The following CDK19 variants were observed in gnomAD, a reference collection of about 807,000 sequenced individuals.
CDK19 encodes the protein cyclin dependent kinase 19.
A neutral mutation model predicts 68.3 loss-of-function variants in CDK19; 20 were observed. The observed-to-expected ratio is 0.29, with a 90% CI of 0.21 to 0.43. The LOEUF is 0.43. CDK19 is among the 20% of genes least tolerant of loss of function. The pLI is 1.00. For synonymous variants in CDK19, 221 were observed against 222.8 expected, an observed-to-expected ratio of 0.99 and a Z score of 0.07; for missense variants, 339 against 623.5, an observed-to-expected ratio of 0.54 and a Z score of 4.86.
intron 2 of CDK19, among the ~76,000 whole-genome samples, chr6:110,677,561 A>T (rs1368114160): frequency 2.1e-5 from 3 of 144,084 alleles, no homozygotes; most frequent in Non-Finnish European, 3.0e-5. Flanking sequence ...GAGAGACCCC[A>T]TCTCAACATA....
chr6:110,720,820 T>C (rs2114740562), intron 2 of CDK19, among the ~76,000 whole-genome samples: 1 of 139,534 alleles, frequency 7.2e-6, no homozygotes, highest in Non-Finnish European at 1.5e-5. Context: ...TGAGCTGAGA[T>C]CACACGACTG....
upstream of CDK19, chr6:110,815,843 G>C (rs1385646993): frequency 1.3e-5 from 2 of 152,434 alleles, no homozygotes; most frequent in Non-Finnish European, 2.9e-5. Flanking sequence ...CTCGGGAGGC[G>C]AGGGCTGGTG....
At chr6:110,781,160 T>A (rs1471666120) in intron 1 of CDK19, among the ~76,000 whole-genome samples, 2 of 152,206 alleles carry the variant, frequency 1.3e-5, no homozygotes, top group African/African-American at 2.4e-5. Context: ...TGGCTCATGG[T>A]TCTGCAGGCC....
chr6:110,728,523 T>C (rs904328776), intron 2 of CDK19, among the ~76,000 whole-genome samples: 1 of 151,712 alleles, frequency 6.6e-6, no homozygotes, highest in Non-Finnish European at 1.5e-5. Context: ...TCTCCCTACA[T>C]CTTCTCCTCT....
chr6:110,719,969 TCCGCCCCCCCCCCC>T, intron 2 of CDK19, among the ~76,000 whole-genome samples: 1 of 22,120 alleles, frequency 4.5e-5, no homozygotes, highest in African/African-American at 2.0e-4. Flanking sequence ...GACCTTGTGA[TCCGCCCCCCCCCCC>T]CCACCCCCCC....
rs1173932623 is a variant in CDK19 at position 110,815,258 on chromosome 6, C to T, written c.-122G>A. On this transcript the variant is annotated 5_prime_UTR_variant, in exon 1 of 13. Coordinates refer to ENST00000368911, the MANE Select transcript of CDK19 (RefSeq NM_015076.5). ...GCCGCCTCTCGCGCGCGCGCGCGCG[C>T]CGCCCGCCGCCCGCCGCTCCGCGGT... The T allele has an allele frequency of 1.7e-5, 18 of 1,037,774 alleles. No homozygotes were observed. Among genetic ancestry groups the T allele is most frequent in the Non-Finnish European group, 2.1e-5 (17 of 790,946 alleles). 64.3% of individuals were successfully genotyped at this position (1,037,774 alleles called of 1,614,324 possible). A position where few individuals can be genotyped will look rare whatever the true frequency, so the allele number is the denominator to read the frequency against.
chr6:110,718,249 C>A (rs987149009), intron 2 of CDK19, among the ~76,000 whole-genome samples: 3 of 152,048 alleles, frequency 2.0e-5, no homozygotes, highest in African/African-American at 7.2e-5. Context: ...TGTATAAAGC[C>A]CAGGAGGATT....
At chr6:110,704,013 A>G (rs1388373519) in intron 2 of CDK19, among the ~76,000 whole-genome samples, 1 of 152,222 alleles carries the variant, frequency 6.6e-6, no homozygotes, top group East Asian at 1.9e-4. Context: ...CTATCTGAAA[A>G]TTCCAGAATA....
rs552056076 is a variant in CDK19 at position 110,735,493 on chromosome 6, G to C, written c.204+10633C>G. ...AGTGAATATATCAGATACAAACTCT[G>C]AGCTAAATTTCATGAAGTCATAGTG... On this transcript the variant is annotated intron_variant, in intron 2 of 12. Transcript: ENST00000368911. Among the ~76,000 whole-genome samples, 5 of 152,178 alleles carry C rather than the reference G, an allele frequency of 3.3e-5. No individual in the cohort carries two copies. The East Asian group carries it at 9.7e-4, about 29-fold the overall frequency.
intron 2 of CDK19, among the ~76,000 whole-genome samples, chr6:110,717,891 G>A (rs956174476): frequency 5.9e-5 from 9 of 152,148 alleles, no homozygotes; most frequent in Non-Finnish European, 1.2e-4. Flanking sequence ...AGTAGAGATG[G>A]GGTTTCTCCA....
chr6:110,758,256 C>T (rs1778965623), intron 1 of CDK19, among the ~76,000 whole-genome samples: 1 of 152,020 alleles, frequency 6.6e-6, no homozygotes, highest in African/African-American at 2.4e-5. Context: ...AAGGGGTGTA[C>T]AGAAGCAAAG....
At chr6:110,755,543 C>T (rs1778778947) in intron 1 of CDK19, among the ~76,000 whole-genome samples, 1 of 152,054 alleles carries the variant, frequency 6.6e-6, no homozygotes, top group Non-Finnish European at 1.5e-5. Flanking sequence ...CAGGATTTCA[C>T]TGAGCAAAGG....
Position 110,815,292 on chromosome 6 carries a change from A to G in CDK19, c.-156T>C. 1 of 771,210 alleles carries G rather than the reference A, an allele frequency of 1.3e-6. No homozygotes were observed. The highest frequency in any genetic ancestry group is 1.8e-6 in the Non-Finnish European group (1 of 550,136). 47.8% of individuals were successfully genotyped at this position (771,210 alleles called of 1,614,324 possible). ...GCCCGCCGCTCCGCGGTCCGCCTTC[A>G]GCAAGGGACTCCTCGGCGGCCACAG... On this transcript the variant is annotated 5_prime_UTR_variant, in exon 1 of 13. It removes the in-frame stop codon of an upstream open reading frame in the 5' UTR. Coordinates refer to ENST00000368911, the MANE Select transcript of CDK19 (RefSeq NM_015076.5).
intron 1 of CDK19, among the ~76,000 whole-genome samples, chr6:110,767,345 C>T (rs1031195102): frequency 1.3e-5 from 2 of 150,102 alleles, no homozygotes; most frequent in Admixed American, 1.3e-4. Flanking sequence ...TGGCCAGGTG[C>T]AGTGGCTCAA....
chr6:110,639,029 T>G (rs1779959653), intron 4 of CDK19, among the ~76,000 whole-genome samples: 1 of 152,232 alleles, frequency 6.6e-6, no homozygotes, highest in South Asian at 2.1e-4. Flanking sequence ...GCACAGTTTA[T>G]GTGCTTGAAA....
chr6:110,688,195 G>A (rs1170850103), intron 2 of CDK19, among the ~76,000 whole-genome samples: 1 of 152,016 alleles, frequency 6.6e-6, no homozygotes, highest in Non-Finnish European at 1.5e-5. Flanking sequence ...AGACCAGCCT[G>A]GCTAACATGG....
At chr6:110,773,612 T>C (rs1485369556) in intron 1 of CDK19, among the ~76,000 whole-genome samples, 1 of 152,232 alleles carries the variant, frequency 6.6e-6, no homozygotes, top group African/African-American at 2.4e-5. Flanking sequence ...GCTGTTTTCC[T>C]ACTCACTCCT....
rs751336569 is a variant in CDK19, at chr6:110,667,883, A to G, written c.316-309T>C. Among the ~76,000 whole-genome samples, 4 of 152,196 alleles carry G rather than the reference A, an allele frequency of 2.6e-5. No individual in the cohort carries two copies. In the South Asian group the frequency reaches 6.2e-4, roughly 24 times the overall value. On this transcript the variant is annotated intron_variant, in intron 3 of 12. Coordinates refer to ENST00000368911, the MANE Select transcript of CDK19 (RefSeq NM_015076.5). ...GCTGAAGAAGAGTATTATATTCTCT[A>G]CTGACAGAATGAAAGATTTAAAAAA... is the stretch of plus-strand genomic sequence containing the variant.
Position 110,667,583 on chromosome 6 carries a change from T to C in CDK19, c.316-9A>G. 7.0e-7 allele frequency: 1 copy of C among 1,428,802 alleles called. No homozygotes were observed. The highest frequency in any genetic ancestry group is 9.5e-7 in the Non-Finnish European group (1 of 1,050,890). The allele number at this position is 1,428,802 out of a possible 1,614,324, so 88.5% of individuals were successfully genotyped here. A position where few individuals can be genotyped will look rare whatever the true frequency, so the allele number is the denominator to read the frequency against. On this transcript the variant is annotated splice_polypyrimidine_tract_variant and intron_variant, in intron 3 of 12. Coordinates refer to ENST00000368911, the MANE Select transcript of CDK19 (RefSeq NM_015076.5). ...TGAAACTTAATAATATGCTAAAAATTAAAAAAAAACATAATAATATAGTCT... is the reference window on the plus strand; with the variant it reads ...TGAAACTTAATAATATGCTAAAAATCAAAAAAAAACATAATAATATAGTCT...
Sources: gnomAD v4.1 joint callset for allele counts (sites outside exome capture counted in the v4.1 genomes callset) on GRCh38, gnomAD v4.1.1 for gene constraint, MANE v1.5 for transcripts, NCBI Gene and HGNC (gene_info 2026-07-23, HGNC 2026-07-21) for gene names.